FARS2: variants seen among roughly 807,000 people sequenced by gnomAD.
FARS2 encodes the protein phenylalanine--tRNA ligase, mitochondrial.
FARS2 carries 40 observed loss-of-function variants against 46.4 expected under a neutral mutation model. The ratio of observed to expected loss-of-function variants is 0.86; its 90% CI spans 0.67 to 1.12. The LOEUF is 1.12. Ranked by LOEUF, FARS2 falls within the 50% of genes most tolerant of loss-of-function variation. FARS2 has a pLI of 0.00. For synonymous variants in FARS2, 234 were observed against 214.9 expected, an observed-to-expected ratio of 1.09 and a Z score of -0.78; for missense variants, 513 against 567.9, an observed-to-expected ratio of 0.90 and a Z score of 0.98.
At chr6:5,360,520 G>A (rs1758232169) in intron 1 of FARS2, among the ~76,000 whole-genome samples, 1 of 152,182 alleles carries the variant, frequency 6.6e-6, no homozygotes, top group Admixed American at 6.5e-5. Context: ...AAGCTAATGG[G>A]AGATAGGTTT....
At chr6:5,575,484 C>T (rs188229141) in intron 5 of FARS2, among the ~76,000 whole-genome samples, 13 of 152,312 alleles carry the variant, frequency 8.5e-5, no homozygotes, top group Non-Finnish European at 1.8e-4. Flanking sequence ...CTCCTAAATG[C>T]ATCATGTGTT....
At chr6:5,607,435 T>C (rs1473963390) in intron 5 of FARS2, among the ~76,000 whole-genome samples, 2 of 151,972 alleles carry the variant, frequency 1.3e-5, no homozygotes, top group African/African-American at 4.8e-5. Context: ...GGAGAAAATT[T>C]ATGAAAAGAG....
intron 2 of FARS2, among the ~76,000 whole-genome samples, chr6:5,401,056 G>T (rs1761226127): frequency 6.6e-6 from 1 of 151,656 alleles, no homozygotes; most frequent in African/African-American, 2.4e-5. Flanking sequence ...CATTGTTTTA[G>T]GTGTATCTTT....
intron 2 of FARS2, among the ~76,000 whole-genome samples, chr6:5,374,419 A>G (rs368753778): frequency 6.6e-6 from 1 of 152,108 alleles, no homozygotes; most frequent in South Asian, 2.1e-4. Flanking sequence ...GTGCAGGATA[A>G]ATTAAAGATA....
At chr6:5,384,787 C>T (rs549376227) in intron 2 of FARS2, among the ~76,000 whole-genome samples, 75 of 152,260 alleles carry the variant, frequency 4.9e-4, no homozygotes, top group African/African-American at 1.8e-3. Context: ...TTTTGTTCAG[C>T]TGCCTGGCAG....
chr6:5,739,688 C>T (rs1414570174), intron 6 of FARS2, among the ~76,000 whole-genome samples: 1 of 152,172 alleles, frequency 6.6e-6, no homozygotes, highest in Non-Finnish European at 1.5e-5. Flanking sequence ...AATCTTCCTT[C>T]TAAACCTTCT....
At chr6:5,318,017 G>A (rs779007570) in intron 1 of FARS2, among the ~76,000 whole-genome samples, 1 of 152,058 alleles carries the variant, frequency 6.6e-6, no homozygotes, top group Admixed American at 6.6e-5. Flanking sequence ...CATGAGCCAC[G>A]TGTCTCATTA....
intron 6 of FARS2, among the ~76,000 whole-genome samples, chr6:5,685,656 C>T (rs566070460): frequency 1.3e-5 from 2 of 152,122 alleles, no homozygotes; most frequent in East Asian, 1.9e-4. Context: ...GTAGATAAAG[C>T]GTACGAGGTT....
At chr6:5,353,728 T>TTTG (rs1296755077) in intron 1 of FARS2, among the ~76,000 whole-genome samples, 10 of 138,554 alleles carry the variant, frequency 7.2e-5, no homozygotes, top group African/African-American at 2.4e-4. Flanking sequence ...TATTTGGTGT[T>TTTG]TTTTTTTTTT....
intron 1 of FARS2, among the ~76,000 whole-genome samples, chr6:5,361,918 T>C (rs548929116): frequency 6.6e-6 from 1 of 152,252 alleles, no homozygotes; most frequent in African/African-American, 2.4e-5. Context: ...TTGAAAGGAC[T>C]GTTGAAATGA....
At chr6:5,489,176 GGGTGC>G (rs1383470820) in intron 4 of FARS2, among the ~76,000 whole-genome samples, 1 of 152,264 alleles carries the variant, frequency 6.6e-6, no homozygotes, top group East Asian at 1.9e-4. Context: ...CAGTCAGGCT[GGGTGC>G]GGTGGCTCAC....
intron 6 of FARS2, among the ~76,000 whole-genome samples, chr6:5,760,023 C>T (rs1762402353): frequency 6.6e-6 from 1 of 152,190 alleles, no homozygotes; most frequent in South Asian, 2.1e-4. Context: ...CCCCTCTTCC[C>T]TTCAATCTCT....
At chr6:5,527,698 A>G (rs1456312870) in intron 4 of FARS2, among the ~76,000 whole-genome samples, 1 of 152,200 alleles carries the variant, frequency 6.6e-6, no homozygotes, top group Non-Finnish European at 1.5e-5. Flanking sequence ...GGGGGAATAT[A>G]TTGTTCCCTG....
chr6:5,562,253 A>G (rs1772026997), intron 5 of FARS2, among the ~76,000 whole-genome samples: 1 of 152,062 alleles, frequency 6.6e-6, no homozygotes, highest in Non-Finnish European at 1.5e-5. Flanking sequence ...CATCTTGTCT[A>G]CCAACTTTTT....
intron 1 of FARS2, among the ~76,000 whole-genome samples, chr6:5,326,715 G>T (rs73718069): frequency 0.015 from 2,355 of 152,314 alleles, 54 homozygotes; most frequent in African/African-American, 0.053. Flanking sequence ...GAGCAGCAGG[G>T]TTTGCTCCGT....
intron 6 of FARS2, among the ~76,000 whole-genome samples, chr6:5,641,390 G>A (rs1160853145): frequency 6.6e-6 from 1 of 152,104 alleles, no homozygotes; most frequent in Non-Finnish European, 1.5e-5. Flanking sequence ...TCCACCCCCT[G>A]GGTTCAAGTG....
Position 5,290,421 on chromosome 6 carries a change from C to G in FARS2, c.-22+28761C>G, listed in dbSNP as rs547055478. Among the ~76,000 whole-genome samples, 9 of 152,260 alleles carry G rather than the reference C, an allele frequency of 5.9e-5. No homozygotes were observed. In the East Asian group the frequency reaches 1.2e-3, roughly 20 times the overall value. ...AACTCCATGGCAGAAAAGATCACAG[C>G]AATTTGGGTATCTGTTTTAAATTGA... On this transcript the variant is annotated intron_variant, in intron 1 of 6. Coordinates refer to ENST00000274680, the MANE Select transcript of FARS2 (RefSeq NM_006567.5).
intron 2 of FARS2, among the ~76,000 whole-genome samples, chr6:5,397,379 C>T (rs549680398): frequency 6.6e-6 from 1 of 152,202 alleles, no homozygotes; most frequent in Non-Finnish European, 1.5e-5. Flanking sequence ...GATGTATGTT[C>T]GACATTTGTT....
In FARS2 at chr6:5,577,441, G is replaced by C. The variant is rs181357171; in HGVS notation, c.1065+32101G>C. On this transcript the variant is annotated intron_variant, in intron 5 of 6. Coordinates refer to ENST00000274680, the MANE Select transcript of FARS2 (RefSeq NM_006567.5). ...ACAACAATAGCACTGAGCTACCCTAGTACTTACATCTTGGTTTCTAAATAC... is the reference window on the plus strand; with the variant it reads ...ACAACAATAGCACTGAGCTACCCTACTACTTACATCTTGGTTTCTAAATAC... 5.4e-4 allele frequency among the ~76,000 whole-genome samples: 82 copies of C among 152,208 alleles called. 3 individuals carry two copies. The East Asian group carries it at 0.014, about 27-fold the overall frequency.
Sources: gnomAD v4.1 joint callset for allele counts (sites outside exome capture counted in the v4.1 genomes callset) on GRCh38, gnomAD v4.1.1 for gene constraint, MANE v1.5 for transcripts, NCBI Gene and HGNC (gene_info 2026-07-23, HGNC 2026-07-21) for gene names.